Variants in KSR1 observed in about 807,000 individuals in gnomAD.
KSR1 encodes kinase suppressor of ras.
KSR1 carries 35 observed loss-of-function variants against 92.9 expected under a neutral mutation model. The ratio of observed to expected loss-of-function variants is 0.38; its 90% CI spans 0.29 to 0.50. The LOEUF is 0.50. KSR1 is among the 20% of genes least tolerant of loss of function. KSR1 has a pLI of 0.94. For missense variants in KSR1, 972 were observed against 1,158.5 expected, an observed-to-expected ratio of 0.84 and a Z score of 2.34; for synonymous variants, 467 against 472.6, an observed-to-expected ratio of 0.99 and a Z score of 0.15.
intron 5 of KSR1, among the ~76,000 whole-genome samples, chr17:27,587,831 T>A (rs2151182587): frequency 6.6e-6 from 1 of 152,320 alleles, no homozygotes; most frequent in African/African-American, 2.4e-5. Flanking sequence ...CGTATGGCCC[T>A]TATCTCAGCA....
At chr17:27,484,421 G>A (rs866351055) in intron 1 of KSR1, among the ~76,000 whole-genome samples, 6 of 152,238 alleles carry the variant, frequency 3.9e-5, no homozygotes, top group African/African-American at 9.6e-5. Context: ...TGGTAGAGAC[G>A]GAGTTTCACC....
chr17:27,517,331 A>C lies in KSR1; in HGVS notation c.232-33237A>C, dbSNP rs144008606. The stretch of plus-strand genomic sequence containing the variant: ...TAATAACTCTTTTTCTTTTTATTTT[A>C]TTTTTATTTTTTTTTGAGCCAGAGT... On this transcript the variant is annotated intron_variant, in intron 1 of 20. Coordinates refer to ENST00000644974, the MANE Select transcript of KSR1 (RefSeq NM_001394583.1). 7.8e-3 allele frequency among the ~76,000 whole-genome samples: 1,185 copies of C among 151,862 alleles called. 13 individuals carry two copies. Among genetic ancestry groups the C allele is most frequent in the African/African-American group, 0.027 (1,130 of 41,406 alleles).
intron 1 of KSR1, among the ~76,000 whole-genome samples, chr17:27,514,269 G>A (rs1277490305): frequency 6.6e-6 from 1 of 152,338 alleles, no homozygotes; most frequent in East Asian, 1.9e-4. Context: ...GCTACTTGGA[G>A]GAAAACAGTA....
At chr17:27,589,675 T>G (rs2073096385) in intron 6 of KSR1, among the ~76,000 whole-genome samples, 1 of 152,230 alleles carries the variant, frequency 6.6e-6, no homozygotes, top group Admixed American at 6.5e-5. Flanking sequence ...TTATTTCTGC[T>G]CTTAGGCCTC....
intron 1 of KSR1, among the ~76,000 whole-genome samples, chr17:27,520,812 C>G (rs1463550279): frequency 6.6e-6 from 1 of 152,248 alleles, no homozygotes; most frequent in East Asian, 1.9e-4. Flanking sequence ...CTGCCTTCCC[C>G]CTTACCCATT....
At chr17:27,499,308 T>C (rs2069096503) in intron 1 of KSR1, among the ~76,000 whole-genome samples, 1 of 152,166 alleles carries the variant, frequency 6.6e-6, no homozygotes, top group Admixed American at 6.5e-5. Flanking sequence ...AGTCCACCCC[T>C]AGGACTTATT....
intron 1 of KSR1, among the ~76,000 whole-genome samples, chr17:27,521,760 G>T (rs1001760211): frequency 6.6e-6 from 1 of 152,222 alleles, no homozygotes; most frequent in Admixed American, 6.5e-5. Context: ...ATGGAGGCAG[G>T]TGGGTTAGAA....
chr17:27,562,651 T>C (rs143935177), intron 2 of KSR1, among the ~76,000 whole-genome samples: 4 of 152,354 alleles, frequency 2.6e-5, no homozygotes, highest in Admixed American at 2.6e-4. Context: ...AGAACAGATC[T>C]GACTATGGCC....
At chr17:27,619,387 G>A (rs1017301426) in intron 19 of KSR1, among the ~76,000 whole-genome samples, 1 of 151,720 alleles carries the variant, frequency 6.6e-6, no homozygotes, top group African/African-American at 2.4e-5. Context: ...TTGTTTTCTG[G>A]GCTGTATCTT....
chr17:27,533,901 T>C (rs901738081), intron 1 of KSR1, among the ~76,000 whole-genome samples: 1 of 152,212 alleles, frequency 6.6e-6, no homozygotes, highest in African/African-American at 2.4e-5. Flanking sequence ...CTCTCTTTAT[T>C]TTGAGATGCA....
At chr17:27,470,398 C>T (rs149986385) in intron 1 of KSR1, among the ~76,000 whole-genome samples, 1,756 of 151,814 alleles carry the variant, frequency 0.012, 32 homozygotes, top group African/African-American at 0.04. Flanking sequence ...CCCGCCACCA[C>T]GCCCAGCTAA....
intron 18 of KSR1, among the ~76,000 whole-genome samples, 159 bp downstream of exon 18, chr17:27,611,788 G>A (rs1214933866): frequency 6.6e-6 from 1 of 152,086 alleles, no homozygotes; most frequent in African/African-American, 2.4e-5. Context: ...GCATTGCCCG[G>A]GAATGGGGAA....
rs56987750 is a variant in KSR1, at chr17:27,600,008, A to G, written c.1469-1352A>G. On this transcript the variant is annotated intron_variant, in intron 10 of 20. Transcript: ENST00000644974. ...GAAGGTCTTCGGGGCAGTGACATAC[A>G]TGGAGCTGGCATCTCCTGTGATAAC... is the stretch of plus-strand genomic sequence containing the variant. 3.2e-3 allele frequency among the ~76,000 whole-genome samples: 485 copies of G among 151,656 alleles called. 7 individuals carry two copies. Among genetic ancestry groups the G allele is most frequent in the African/African-American group, 0.011 (460 of 41,336 alleles).
intron 1 of KSR1, among the ~76,000 whole-genome samples, chr17:27,462,057 C>T (rs1182262907): frequency 6.6e-6 from 1 of 152,064 alleles, no homozygotes; most frequent in East Asian, 1.9e-4. Flanking sequence ...TGCATAGGTG[C>T]CTTTGGGGTT....
chr17:27,617,458 C>T, intron 19 of KSR1, 30 bp downstream of exon 19: 1 of 1,587,902 alleles, frequency 6.3e-7, no homozygotes, highest in East Asian at 2.3e-5. Flanking sequence ...GCCAGACTGC[C>T]AGCCAGGCCC....
chr17:27,545,188 AG>A (rs1567811217), intron 1 of KSR1, among the ~76,000 whole-genome samples: 2 of 152,182 alleles, frequency 1.3e-5, no homozygotes, highest in Admixed American at 6.5e-5. Context: ...TGGGCTGTCT[AG>A]CGGGGATCTC....
intron 1 of KSR1, among the ~76,000 whole-genome samples, chr17:27,529,423 T>A (rs1474441285): frequency 1.3e-5 from 2 of 152,220 alleles, no homozygotes; most frequent in African/African-American, 4.8e-5. Context: ...TTAGGATAAA[T>A]TCCTAGAAGT....
intron 5 of KSR1, among the ~76,000 whole-genome samples, chr17:27,586,481 G>A (rs1210093327): frequency 6.6e-6 from 1 of 152,198 alleles, no homozygotes; most frequent in Admixed American, 6.5e-5. Context: ...TGCTGAAGTG[G>A]AGCTGGCTGT....
intron 11 of KSR1, chr17:27,602,008 CTATG>C: frequency 7.6e-7 from 1 of 1,310,816 alleles, no homozygotes; most frequent in South Asian, 1.3e-5. Context: ...TCTACACTTA[CTATG>C]TACCAACCTT....
Sources: allele counts gnomAD v4.1 joint callset (sites outside exome capture counted in the v4.1 genomes callset), GRCh38; gene constraint gnomAD v4.1.1; transcripts MANE v1.5; gene names NCBI Gene and HGNC (gene_info 2026-07-23, HGNC 2026-07-21).